Variants in PDE7B observed in about 807,000 individuals in gnomAD.
PDE7B encodes the protein phosphodiesterase 7B, also known as 3',5'-cyclic-AMP phosphodiesterase 7B.
In PDE7B, 29 loss-of-function variants were observed where a neutral mutation model predicts 56.2. The observed-to-expected ratio is 0.52, with a 90% CI of 0.38 to 0.70. PDE7B has a LOEUF of 0.70. Among genes scored for constraint, PDE7B ranks in the 30% least tolerant of loss-of-function variants. PDE7B has a pLI of 0.00. For synonymous variants in PDE7B, 197 were observed against 196.9 expected (o/e 1.00, Z 0.00); for missense variants, 490 against 565.0 (o/e 0.87, Z 1.35).
At chr6:136,091,144 G>C (rs1777378760) in intron 2 of PDE7B, among the ~76,000 whole-genome samples, 1 of 152,224 alleles carries the variant, frequency 6.6e-6, no homozygotes, top group South Asian at 2.1e-4. Flanking sequence ...ATAGCCATCA[G>C]TGGTTCTCAA....
chr6:136,129,989 CTG>C (rs1438941974), intron 3 of PDE7B, among the ~76,000 whole-genome samples: 1 of 152,224 alleles, frequency 6.6e-6, no homozygotes, highest in Non-Finnish European at 1.5e-5. Context: ...GTGGGTTTCT[CTG>C]TGGCTTTAGC....
chr6:135,906,546 TAG>T (rs754881508), intron 1 of PDE7B, among the ~76,000 whole-genome samples: 43 of 152,266 alleles, frequency 2.8e-4, no homozygotes, highest in Non-Finnish European at 3.2e-4. Context: ...CTACCAAGAA[TAG>T]AGATTATAGA....
intron 3 of PDE7B, among the ~76,000 whole-genome samples, chr6:136,113,190 A>G (rs1194319957): frequency 6.6e-6 from 1 of 152,244 alleles, no homozygotes; most frequent in Admixed American, 6.5e-5. Flanking sequence ...GAGGTAATGC[A>G]TAAGTTATTT....
intron 2 of PDE7B, among the ~76,000 whole-genome samples, chr6:136,002,619 G>C (rs761968854): frequency 1.3e-5 from 2 of 152,138 alleles, no homozygotes; most frequent in Non-Finnish European, 2.9e-5. Flanking sequence ...ATTACATAAT[G>C]GTAAAGGGAT....
chr6:135,959,586 G>A (rs920697959), intron 2 of PDE7B, among the ~76,000 whole-genome samples: 1 of 152,046 alleles, frequency 6.6e-6, no homozygotes, highest in Non-Finnish European at 1.5e-5. Flanking sequence ...TCTACGGAAA[G>A]GTACCTTATT....
chr6:135,900,407 T>A (rs1182133719), intron 1 of PDE7B, among the ~76,000 whole-genome samples: 1 of 152,184 alleles, frequency 6.6e-6, no homozygotes, highest in Non-Finnish European at 1.5e-5. Flanking sequence ...TTTAGCTACA[T>A]TCCTAAAGAT....
chr6:136,005,960 G>A lies in PDE7B; in HGVS notation c.82+58436G>A, dbSNP rs572344950. Among the ~76,000 whole-genome samples the A allele has an allele frequency of 8.9e-3, 1,357 of 151,890 alleles. 13 individuals carry two copies. Among genetic ancestry groups the A allele is most frequent in the Middle Eastern group, 0.034 (10 of 294 alleles). Reference sequence around the variant, plus strand: ...GCAAAGACTTGGAACCAACCCAAATGTCCAACAATGATAGACTGGATTAAG... The same window carrying A: ...GCAAAGACTTGGAACCAACCCAAATATCCAACAATGATAGACTGGATTAAG... On this transcript the variant is annotated intron_variant, in intron 2 of 12. Coordinates refer to ENST00000308191, the MANE Select transcript of PDE7B (RefSeq NM_018945.4).
chr6:135,875,211 A>G (rs1775469007), intron 1 of PDE7B, among the ~76,000 whole-genome samples: 1 of 152,008 alleles, frequency 6.6e-6, no homozygotes, highest in East Asian at 1.9e-4. Flanking sequence ...CCATATATGT[A>G]TTAAGAATTA....
In PDE7B at chr6:136,187,600, T is replaced by C. The variant is rs117204913; in HGVS notation, c.1126+484T>C. On this transcript the variant is annotated intron_variant, in intron 12 of 12. Transcript: ENST00000308191. ...CGCATCCTGGGATTCCCAGTTTCACTAGTCCTTCCTTCAAAACTTATTTTC... is the reference window on the plus strand; with the variant it reads ...CGCATCCTGGGATTCCCAGTTTCACCAGTCCTTCCTTCAAAACTTATTTTC... 2.0e-4 allele frequency among the ~76,000 whole-genome samples: 31 copies of C among 152,304 alleles called. No homozygotes were observed. In the East Asian group the frequency reaches 5.8e-3, roughly 28 times the overall value.
At chr6:136,074,880 T>G (rs144785443) in intron 2 of PDE7B, among the ~76,000 whole-genome samples, 62 of 152,324 alleles carry the variant, frequency 4.1e-4, no homozygotes, top group Admixed American at 3.6e-3. Context: ...ATAGTGCTGC[T>G]GTGCACATGG....
At chr6:136,136,513 G>A (rs190805511) in intron 3 of PDE7B, among the ~76,000 whole-genome samples, 1 of 151,982 alleles carries the variant, frequency 6.6e-6, no homozygotes, top group Non-Finnish European at 1.5e-5. Context: ...AGGACAAAGA[G>A]GGTGACTAGG....
At chr6:136,090,333 C>T (rs1777367112) in intron 2 of PDE7B, among the ~76,000 whole-genome samples, 2 of 152,180 alleles carry the variant, frequency 1.3e-5, no homozygotes, top group African/African-American at 4.8e-5. Flanking sequence ...AGGAACACTA[C>T]AAATGTAAAG....
At chr6:135,967,333 G>A (rs1775011702) in intron 2 of PDE7B, among the ~76,000 whole-genome samples, 1 of 152,114 alleles carries the variant, frequency 6.6e-6, no homozygotes, top group African/African-American at 2.4e-5. Context: ...ATAACAATAT[G>A]AGTAAAGGAC....
At chr6:135,873,564 T>C (rs1775430724) in intron 1 of PDE7B, among the ~76,000 whole-genome samples, 1 of 152,168 alleles carries the variant, frequency 6.6e-6, no homozygotes. Context: ...TTGGAGACAA[T>C]AGTAGAATTT....
chr6:136,028,895 GC>G (rs1240183974), intron 2 of PDE7B, among the ~76,000 whole-genome samples: 2 of 152,136 alleles, frequency 1.3e-5, no homozygotes, highest in African/African-American at 4.8e-5. Context: ...CCTTTGGAAG[GC>G]CATTATTCTG....
intron 3 of PDE7B, among the ~76,000 whole-genome samples, chr6:136,137,494 G>C (rs1416877763): frequency 6.6e-6 from 1 of 152,040 alleles, no homozygotes; most frequent in Non-Finnish European, 1.5e-5. Flanking sequence ...TAAACACAAA[G>C]GCTTTCTTTG....
intron 1 of PDE7B, among the ~76,000 whole-genome samples, chr6:135,903,535 A>C (rs1776042889): frequency 6.6e-6 from 1 of 152,184 alleles, no homozygotes; most frequent in Non-Finnish European, 1.5e-5. Context: ...AATGTCAACC[A>C]AACCAAATTT....
chr6:135,933,595 A>G (rs540590639), intron 1 of PDE7B, among the ~76,000 whole-genome samples: 29 of 152,306 alleles, frequency 1.9e-4, no homozygotes, highest in Non-Finnish European at 3.7e-4. Context: ...ATTGTGTTCA[A>G]TTTATTTTTT....
intron 2 of PDE7B, among the ~76,000 whole-genome samples, chr6:136,014,244 C>T (rs185992386): frequency 1.5e-4 from 23 of 152,280 alleles, no homozygotes; most frequent in Admixed American, 1.2e-3. Context: ...AATAAAATCA[C>T]TCACAATACC....
Sources: allele counts gnomAD v4.1 joint callset (sites outside exome capture counted in the v4.1 genomes callset), GRCh38; gene constraint gnomAD v4.1.1; transcripts MANE v1.5; gene names NCBI Gene and HGNC (gene_info 2026-07-23, HGNC 2026-07-21).